Variants in ATP10B observed in about 807,000 individuals in gnomAD.
ATP10B encodes phospholipid-transporting ATPase VB.
ATP10B carries 122 observed loss-of-function variants against 141.2 expected under a neutral mutation model. The ratio of observed to expected loss-of-function variants is 0.86; its 90% CI spans 0.75 to 1.00. ATP10B has a LOEUF of 1.00. ATP10B is among the 50% of genes least tolerant of loss of function. The pLI is 0.00. For missense variants in ATP10B, 1,876 were observed against 1,825.3 expected, an observed-to-expected ratio of 1.03 and a Z score of -0.51; for synonymous variants, 685 against 692.0, an observed-to-expected ratio of 0.99 and a Z score of 0.16.
intron 13 of ATP10B, among the ~76,000 whole-genome samples, chr5:160,631,670 T>A (rs1349396337): frequency 1.3e-5 from 2 of 152,234 alleles, no homozygotes; most frequent in African/African-American, 4.8e-5. Flanking sequence ...AACAAATATT[T>A]CTAATTTCTC....
chr5:160,794,342 T>C (rs1771798707), intron 1 of ATP10B, among the ~76,000 whole-genome samples: 1 of 152,190 alleles, frequency 6.6e-6, no homozygotes, highest in South Asian at 2.1e-4. Flanking sequence ...TCCAATCATG[T>C]GATTCTGATG....
chr5:160,837,388 G>A (rs72820525), intron 1 of ATP10B, among the ~76,000 whole-genome samples: 16,328 of 152,148 alleles, frequency 0.11, 946 homozygotes, highest in Middle Eastern at 0.16. Context: ...ATAGTGCCAT[G>A]CCGTGACCAT....
chr5:160,733,469 A>G (rs1766876198), intron 2 of ATP10B, among the ~76,000 whole-genome samples: 1 of 152,142 alleles, frequency 6.6e-6, no homozygotes, highest in Non-Finnish European at 1.5e-5. Flanking sequence ...ATAAATCACA[A>G]GCAGAATAAA....
chr5:160,652,113 C>T (rs1471607636), intron 7 of ATP10B, among the ~76,000 whole-genome samples: 1 of 152,166 alleles, frequency 6.6e-6, no homozygotes, highest in Non-Finnish European at 1.5e-5. Flanking sequence ...TCTGTTGGGG[C>T]TTCCTAGCCA....
rs543919561 is a variant in ATP10B at position 160,669,379 on chromosome 5, C to T, written c.675+1084G>A. 2.0e-5 allele frequency among the ~76,000 whole-genome samples: 3 copies of T among 152,218 alleles called. No individual in the cohort carries two copies. In the East Asian group the frequency reaches 5.8e-4, roughly 29 times the overall value. On this transcript the variant is annotated intron_variant, in intron 7 of 25. Coordinates refer to ENST00000327245, the MANE Select transcript of ATP10B (RefSeq NM_025153.3). ...GTCCCCATTTTCCAGATGAGGGAAC[C>T]AAGGTGTGAGAGGACGGTAACTTGC...
intron 8 of ATP10B, 70 bp from the exon 9 acceptor site, chr5:160,644,314 A>G (rs1760112058): frequency 1.9e-6 from 2 of 1,044,504 alleles, no homozygotes; most frequent in Admixed American, 1.7e-5. Flanking sequence ...GTACTGTCAC[A>G]GAACTAGAAG....
intron 2 of ATP10B, among the ~76,000 whole-genome samples, chr5:160,758,719 GGC>G (rs1475827393): frequency 2.0e-5 from 3 of 152,108 alleles, no homozygotes; most frequent in Non-Finnish European, 2.9e-5. Context: ...TCCCTTTTGG[GGC>G]CTGGTTATTC....
chr5:160,783,361 T>C lies in ATP10B; in HGVS notation c.-331+2198A>G, dbSNP rs537029229. On this transcript the variant is annotated intron_variant, in intron 2 of 25. Coordinates refer to ENST00000327245, the MANE Select transcript of ATP10B (RefSeq NM_025153.3). ...AATGCTGTTAATTCATTCCTTTTTA[T>C]AGCTGAGTAGTATTTCATCATATAT... 1.4e-4 allele frequency among the ~76,000 whole-genome samples: 21 copies of C among 145,188 alleles called. No individual in the cohort carries two copies. In the East Asian group the frequency reaches 4.1e-3, roughly 29 times the overall value.
At chr5:160,787,111 C>G (rs909441922) in intron 1 of ATP10B, among the ~76,000 whole-genome samples, 3 of 69,362 alleles carry the variant, frequency 4.3e-5, no homozygotes, top group Non-Finnish European at 8.2e-5. Flanking sequence ...CACAGACACA[C>G]ACACACACAC....
chr5:160,571,022 T>C (rs1274372878), intron 24 of ATP10B, among the ~76,000 whole-genome samples: 1 of 152,198 alleles, frequency 6.6e-6, no homozygotes, highest in Non-Finnish European at 1.5e-5. Flanking sequence ...TTTTGTCTTT[T>C]TGATCTATAG....
At chr5:160,625,577 T>C (rs1012628507) in intron 13 of ATP10B, among the ~76,000 whole-genome samples, 1 of 152,196 alleles carries the variant, frequency 6.6e-6, no homozygotes, top group Non-Finnish European at 1.5e-5. Context: ...GATCACACAC[T>C]GATTTAGGGT....
intron 2 of ATP10B, among the ~76,000 whole-genome samples, chr5:160,723,940 C>T (rs974847117): frequency 2.6e-5 from 4 of 152,168 alleles, no homozygotes; most frequent in African/African-American, 9.7e-5. Flanking sequence ...CCATGGAATA[C>T]TGTGCAGCCA....
At chr5:160,724,090 C>T (rs1766165166) in intron 2 of ATP10B, among the ~76,000 whole-genome samples, 1 of 151,872 alleles carries the variant, frequency 6.6e-6, no homozygotes, top group South Asian at 2.1e-4. Flanking sequence ...CACAAGGGTA[C>T]AGAGAGGGGA....
At chr5:160,741,189 T>C (rs17058180) in intron 2 of ATP10B, among the ~76,000 whole-genome samples, 7,986 of 152,260 alleles carry the variant, frequency 0.052, 686 homozygotes, top group African/African-American at 0.18. Flanking sequence ...TGTCAGCTTC[T>C]GAACACTCTT....
chr5:160,649,908 A>G (rs1338758840), intron 7 of ATP10B, among the ~76,000 whole-genome samples: 1 of 151,724 alleles, frequency 6.6e-6, no homozygotes, highest in African/African-American at 2.4e-5. Flanking sequence ...ACCTGAGGTC[A>G]GGAGATCGAG....
Position 160,770,550 on chromosome 5 carries a change from T to C in ATP10B, c.-331+15009A>G, listed in dbSNP as rs189514220. ...AAATATGGGTAGCTCCCAATTTATTTATTCAGGAACCCTAAGGAACACTCT... is the reference window on the plus strand; with the variant it reads ...AAATATGGGTAGCTCCCAATTTATTCATTCAGGAACCCTAAGGAACACTCT... On this transcript the variant is annotated intron_variant, in intron 2 of 25. Transcript: ENST00000327245. 6.0e-4 allele frequency among the ~76,000 whole-genome samples: 92 copies of C among 152,316 alleles called. 1 individual carries two copies. The East Asian group carries it at 0.012, about 20-fold the overall frequency.
chr5:160,878,405 C>T, the ATP10B span, among the ~76,000 whole-genome samples: 36 of 149,228 alleles, frequency 2.4e-4, no homozygotes, highest in African/African-American at 3.9e-4. Flanking sequence ...AAGACTTAAA[C>T]GTTAGACCTA....
At chr5:160,907,726 T>A in the ATP10B span, among the ~76,000 whole-genome samples, 4 of 152,194 alleles carry the variant, frequency 2.6e-5, no homozygotes, top group Admixed American at 2.6e-4. Context: ...TTGAGGAAAC[T>A]GAGACTTAAA....
the ATP10B span, among the ~76,000 whole-genome samples, chr5:160,880,622 A>C: frequency 6.6e-6 from 1 of 152,204 alleles, no homozygotes; most frequent in African/African-American, 2.4e-5. Flanking sequence ...CCAGAAATAG[A>C]ACCACATAAG....
Sources: gnomAD v4.1 joint callset for allele counts (sites outside exome capture counted in the v4.1 genomes callset) on GRCh38, gnomAD v4.1.1 for gene constraint, MANE v1.5 for transcripts, NCBI Gene and HGNC (gene_info 2026-07-23, HGNC 2026-07-21) for gene names.